DNAH3: variants seen among roughly 807,000 people sequenced by gnomAD.
The protein encoded by DNAH3 is axonemal beta dynein heavy chain 3.
In DNAH3, 332 loss-of-function variants were observed where a neutral mutation model predicts 432.5. That is an observed-to-expected ratio of 0.77 (90% CI 0.70 to 0.84). DNAH3 has a LOEUF of 0.84. Ranked by LOEUF, DNAH3 falls within the 40% of genes least tolerant of loss-of-function variation. The pLI is 0.00. For missense variants in DNAH3, 4,861 were observed against 5,114.0 expected, an observed-to-expected ratio of 0.95 and a Z score of 1.51; for synonymous variants, 1,956 against 1,900.2, an observed-to-expected ratio of 1.03 and a Z score of -0.76.
chr16:20,974,579 GTTTTTTTTTTTT>G (rs752437227), intron 51 of DNAH3, among the ~76,000 whole-genome samples: 2 of 81,830 alleles, frequency 2.4e-5, no homozygotes, highest in Admixed American at 3.8e-4. Flanking sequence ...GTTTTATAGT[GTTTTTTTTTTTT>G]TTTTTTTTTT....
intron 44 of DNAH3, among the ~76,000 whole-genome samples, chr16:20,991,722 C>G (rs1410508958): frequency 6.6e-6 from 1 of 152,158 alleles, no homozygotes; most frequent in Non-Finnish European, 1.5e-5. Context: ...TTATCACGTT[C>G]CTCTGTCCTC....
chr16:21,141,176 G>T, intron 4 of DNAH3, 124 bp downstream of exon 5: 2 of 736,722 alleles, frequency 2.7e-6, no homozygotes, highest in Non-Finnish European at 4.4e-6. Context: ...AGTGATTCGT[G>T]GATAAGAATA....
intron 20 of DNAH3, among the ~76,000 whole-genome samples, chr16:21,079,345 C>T (rs1484887320): frequency 2.0e-5 from 3 of 152,128 alleles, no homozygotes; most frequent in South Asian, 4.1e-4. Flanking sequence ...GTGTTAAGGT[C>T]GGGCATGGTG....
intron 1 of DNAH3, among the ~76,000 whole-genome samples, chr16:21,147,711 G>T (rs937284507): frequency 2.0e-5 from 3 of 152,204 alleles, no homozygotes; most frequent in African/African-American, 7.2e-5. Flanking sequence ...TGAGCCTCAG[G>T]TAAGGGTCAA....
At chr16:20,942,936 TC>T (rs2083881316) in intron 58 of DNAH3, among the ~76,000 whole-genome samples, 1 of 152,130 alleles carries the variant, frequency 6.6e-6, no homozygotes, top group African/African-American at 2.4e-5. Flanking sequence ...TGAGATAGTG[TC>T]TCACTCTGTC....
intron 19 of DNAH3, among the ~76,000 whole-genome samples, chr16:21,082,527 A>G (rs542330785): frequency 1.3e-5 from 2 of 152,176 alleles, no homozygotes; most frequent in South Asian, 2.1e-4. Context: ...AAATGTGGCT[A>G]CTAGAAACTT....
intron 56 of DNAH3, among the ~76,000 whole-genome samples, chr16:20,950,097 A>G (rs2084244834): frequency 1.3e-5 from 2 of 152,158 alleles, no homozygotes; most frequent in Non-Finnish European, 2.9e-5. Context: ...ATCCTTCGGC[A>G]TCAGCCTCCT....
intron 56 of DNAH3, among the ~76,000 whole-genome samples, chr16:20,950,847 G>C (rs997478005): frequency 6.6e-6 from 1 of 152,010 alleles, no homozygotes; most frequent in Non-Finnish European, 1.5e-5. Flanking sequence ...TTAAGAGATG[G>C]GGTCTTGCTC....
At position 21,103,354 on chromosome 16, in the gene DNAH3, T is replaced by TGGG. The variant is rs553390308; in HGVS notation, c.2366+1114_2366+1116dup. 6.2e-3 allele frequency among the ~76,000 whole-genome samples: 420 copies of TGGG among 67,500 alleles called. 5 individuals are homozygous for TGGG. The highest frequency in any genetic ancestry group is 0.06 in the East Asian group (126 of 2,092). 44.3% of individuals were successfully genotyped at this position (67,500 alleles called of 152,430 possible). On this transcript the variant is annotated intron_variant, in intron 16 of 61. Transcript: ENST00000261383. ...GAAAAGGGTGTAGAGGGTGTGTGTGTGGGGGGGGGCAGGGTGGGGGAGTTG... is the reference window on the plus strand; with the variant it reads ...GAAAAGGGTGTAGAGGGTGTGTGTGTGGGGGGGGGGGGCAGGGTGGGGGAGTTG...
chr16:21,050,992 A>G (rs1197016599), intron 29 of DNAH3, among the ~76,000 whole-genome samples: 1 of 152,224 alleles, frequency 6.6e-6, no homozygotes, highest in East Asian at 1.9e-4. Context: ...TGCATGGTGC[A>G]CAGGAAACCT....
exon 32 of DNAH3, chr16:21,042,089 C>A (rs778679316): frequency 1.2e-6 from 2 of 1,613,908 alleles, no homozygotes; most frequent in South Asian, 2.2e-5. Flanking sequence ...ATGAACACAG[C>A]GCAGGTTGGG....
At chr16:20,954,291 CTTTT>C (rs1190060999) in intron 55 of DNAH3, among the ~76,000 whole-genome samples, 3 of 127,818 alleles carry the variant, frequency 2.3e-5, no homozygotes, top group Admixed American at 8.1e-5. Context: ...TACCTATAGA[CTTTT>C]TTTTTTTTTT....
chr16:21,048,649 C>T (rs1260823665), intron 31 of DNAH3, among the ~76,000 whole-genome samples: 2 of 152,000 alleles, frequency 1.3e-5, no homozygotes, highest in South Asian at 2.1e-4. Context: ...TCGTCGCTCA[C>T]GCTGGGAGCT....
intron 29 of DNAH3, among the ~76,000 whole-genome samples, chr16:21,050,380 T>A (rs1455212763): frequency 6.6e-6 from 1 of 152,210 alleles, no homozygotes; most frequent in Non-Finnish European, 1.5e-5. Context: ...AAACTCTACA[T>A]TCCAAAGATC....
intron 1 of DNAH3, among the ~76,000 whole-genome samples, chr16:21,146,950 G>T (rs1383096518): frequency 6.6e-6 from 1 of 151,936 alleles, no homozygotes; most frequent in African/African-American, 2.4e-5. Flanking sequence ...AGTAGAGACG[G>T]GGTTTCATCA....
intron 33 of DNAH3, among the ~76,000 whole-genome samples, chr16:21,039,269 A>T (rs553205709): frequency 1.6e-5 from 2 of 128,770 alleles, no homozygotes; most frequent in African/African-American, 6.2e-5. Context: ...CCCAGGCTGG[A>T]GTGCAGTGGT....
At chr16:20,979,475 C>T (rs749906064) in exon 50 of DNAH3, 6 of 1,613,984 alleles carry the variant, frequency 3.7e-6, no homozygotes, top group South Asian at 1.1e-5. Context: ...GTTGTGTCTT[C>T]GAAGTTTGTT....
chr16:20,954,055 T>G (rs903287448), intron 55 of DNAH3, among the ~76,000 whole-genome samples: 7 of 151,800 alleles, frequency 4.6e-5, no homozygotes, highest in African/African-American at 1.7e-4. Context: ...TGAAACCCCA[T>G]CTCTACTAAA....
At chr16:21,060,416 T>C in intron 25 of DNAH3, 60 bp from the exon 26 acceptor site, 1 of 1,306,420 alleles carries the variant, frequency 7.7e-7, no homozygotes, top group Non-Finnish European at 1.1e-6. Flanking sequence ...GGAGGGAGAG[T>C]GGGCAGAACA....
Sources: gnomAD v4.1 joint callset for allele counts (sites outside exome capture counted in the v4.1 genomes callset) on GRCh38, gnomAD v4.1.1 for gene constraint, MANE v1.5 for transcripts, NCBI Gene and HGNC (gene_info 2026-07-23, HGNC 2026-07-21) for gene names.